Variants in EXOSC9 observed in about 807,000 individuals in gnomAD.
EXOSC9 encodes the protein exosome component 9, also known as exosome complex component RRP45.
Under a neutral mutation model 56.5 loss-of-function variants are expected in EXOSC9, and 38 were observed. The observed-to-expected ratio is 0.67, with a 90% confidence interval of 0.52 to 0.88. The LOEUF (loss-of-function observed/expected upper bound fraction) is 0.88, where lower values mean the gene tolerates loss of function less well. EXOSC9 is among the 40% of genes least tolerant of loss of function. The probability of loss-of-function intolerance (pLI) is 0.00; values close to 1 mark genes in which losing one functional copy is unlikely to be tolerated. For synonymous variants in EXOSC9, 170 were observed against 170.8 expected, an observed-to-expected ratio of 0.99 and a Z score of 0.04; for missense variants, 559 against 530.5, an observed-to-expected ratio of 1.05 and a Z score of -0.53.
intron 10 of EXOSC9, chr4:121,815,781 A>ATT (rs1724473937): frequency 1.0e-6 from 1 of 1,003,902 alleles, no homozygotes; most frequent in Admixed American, 6.0e-5. Context: ...AGTAGCACAA[A>ATT]CAATTCAGTT....
chr4:121,812,121 T>C (rs1322141673), intron 8 of EXOSC9, among the ~76,000 whole-genome samples: 2 of 152,178 alleles, frequency 1.3e-5, no homozygotes, highest in African/African-American at 4.8e-5. Flanking sequence ...ATGAGGGATA[T>C]CTTTCAAAGT....
chr4:121,816,924 G>T lies in EXOSC9; in HGVS notation c.*68G>T. 1 of 1,348,342 alleles carries T rather than the reference G, an allele frequency of 7.4e-7. No homozygotes were observed. Among genetic ancestry groups the T allele is most frequent in the Non-Finnish European group, 9.8e-7 (1 of 1,020,528 alleles). The allele number at this position is 1,348,342 out of a possible 1,614,324, so 83.5% of individuals were successfully genotyped here. ...TATTTATTCCATTCTGAGAACCCTG[G>T]GTATTTTTTATTCACAAATCCATTA... On this transcript the variant is annotated 3_prime_UTR_variant, in exon 12 of 12. Coordinates refer to ENST00000243498, the MANE Select transcript of EXOSC9 (RefSeq NM_005033.3).
At chr4:121,804,885 T>C (rs1726975668) in intron 5 of EXOSC9, 126 bp downstream of exon 5, 2 of 683,662 alleles carry the variant, frequency 2.9e-6, no homozygotes, top group Non-Finnish European at 4.5e-6. Flanking sequence ...AAAATTTGTT[T>C]GTAAGACTGA....
intron 1 of EXOSC9, 107 bp downstream of exon 1, chr4:121,801,597 C>T (rs1726866646): frequency 3.8e-6 from 4 of 1,056,092 alleles, no homozygotes; most frequent in African/African-American, 1.6e-5. Flanking sequence ...GGGGAACGAC[C>T]GGCACGTTCA....
chr4:121,814,171 C>G, intron 10 of EXOSC9, 124 bp downstream of exon 10: 1 of 593,706 alleles, frequency 1.7e-6, no homozygotes, highest in East Asian at 2.8e-5. Context: ...TAATATATAG[C>G]ATATTAGCTA....
Position 121,811,608 on chromosome 4 carries a change from G to A in EXOSC9, c.764G>A (p.Gly255Asp), listed in dbSNP as rs1245088043. The change falls in exon 8 of 12, where the codon GGT becomes GAT. Residue 255 changes from glycine to aspartate, a missense_variant. Physicochemically the swap from Gly to Asp is moderately conservative, Grantham distance 94 (BLOSUM62 -1). Transcript: ENST00000243498. ...GTTCTGAGATGCAGTAAAATCGCTG[G>A]TGTGAAAGTAGCAGAAATTACAGAG... ...DQVLRCSKIAGVKVAEITELI... is the reference protein window; with the variant it reads ...DQVLRCSKIADVKVAEITELI... 6.9e-6 allele frequency: 11 copies of A among 1,590,234 alleles called. No individual in the cohort carries two copies. The highest frequency in any genetic ancestry group is 1.2e-5 in the South Asian group (1 of 85,596).
chr4:121,806,406 G>A (rs1727024083), intron 5 of EXOSC9, among the ~76,000 whole-genome samples: 3 of 151,188 alleles, frequency 2.0e-5, no homozygotes, highest in Admixed American at 6.6e-5. Flanking sequence ...GCCTTCCAAA[G>A]TGCTGGGATT....
intron 3 of EXOSC9, 35 bp downstream of exon 3, chr4:121,802,828 TAGG>T (rs1560622036): frequency 6.2e-7 from 1 of 1,613,406 alleles, no homozygotes; most frequent in Admixed American, 1.7e-5. Context: ...GCTTTAGTCA[TAGG>T]AGAACCTAAC....
chr4:121,802,136 C>T (rs375242843), intron 2 of EXOSC9, among the ~76,000 whole-genome samples: 3 of 152,114 alleles, frequency 2.0e-5, no homozygotes, highest in East Asian at 3.8e-4. Context: ...TCACATAGTT[C>T]TTTTCTGACT....
chr4:121,802,386 C>G (rs187532938), intron 2 of EXOSC9, among the ~76,000 whole-genome samples: 1 of 152,248 alleles, frequency 6.6e-6, no homozygotes, highest in East Asian at 1.9e-4. Context: ...CATCTTGTAT[C>G]AATAAATACT....
intron 5 of EXOSC9, among the ~76,000 whole-genome samples, chr4:121,806,241 C>T (rs112579081): frequency 0.083 from 12,687 of 152,014 alleles, 1,282 homozygotes; most frequent in African/African-American, 0.24. Context: ...CAGCCTCCGC[C>T]TCCCGGATTC....
rs34457380 is a variant in EXOSC9 at position 121,813,268 on chromosome 4, A to G, written c.862A>G (p.Ile288Val). ...TGGAAAGTTTGGTTTTGCAGAGTCT[A>G]TAGCAAATCAAAGGATCACAGCATT... ...EGGKFGFAES[I>V]ANQRITAFKM... is the part of the protein sequence containing the mutation. The change falls in exon 9 of 12, where the codon ATA (isoleucine) becomes GTA (valine). Residue 288 changes from isoleucine to valine, a missense_variant. Transcript: ENST00000243498. 9.9e-5 allele frequency: 159 copies of G among 1,613,910 alleles called. 1 individual carries two copies. The highest frequency in any genetic ancestry group is 1.7e-4 in the Middle Eastern group (1 of 6,060).
intron 2 of EXOSC9, among the ~76,000 whole-genome samples, chr4:121,802,243 T>C (rs746641588): frequency 2.6e-5 from 4 of 152,216 alleles, no homozygotes; most frequent in Non-Finnish European, 2.9e-5. Context: ...GTGTACATCC[T>C]GCTTTCTTTT....
intron 4 of EXOSC9, 66 bp downstream of exon 4, chr4:121,803,083 A>G (rs773716020): frequency 7.9e-6 from 9 of 1,135,606 alleles, no homozygotes; most frequent in Non-Finnish European, 1.2e-5. Context: ...CCCGGTATCT[A>G]TCCTTTTATT....
rs1230774301 is a variant in EXOSC9, at chr4:121,802,944, G to A, written c.311G>A (p.Arg104Gln). The A allele has an allele frequency of 1.9e-6, 3 of 1,613,868 alleles. No homozygotes were observed. Among genetic ancestry groups the A allele is most frequent in the Non-Finnish European group, 2.5e-6 (3 of 1,179,922 alleles). Residue 104 changes from arginine to glutamine, a missense_variant, in exon 4 of 12, where the codon CGA becomes CAA. By Grantham distance (43) the Arg-to-Gln change is conservative. Transcript: ENST00000243498. ...TCAGATCTCTTGGTGAAGTTGAATC[G>A]ACTCATGGAAAGATGTCTAAGAAAT... ...RQSDLLVKLN[R>Q]LMERCLRNSK...
Position 121,811,600 on chromosome 4 carries a change from A to C in EXOSC9, c.756A>C (p.Lys252Asn). The stretch of plus-strand genomic sequence containing the variant: ...ATAAATAGGTTCTGAGATGCAGTAA[A>C]ATCGCTGGTGTGAAAGTAGCAGAAA... Reference protein sequence around the residue: ...LLKDQVLRCSKIAGVKVAEIT... With the variant: ...LLKDQVLRCSNIAGVKVAEIT... The change falls in exon 8 of 12, where the codon AAA becomes AAC. Residue 252 changes from lysine to asparagine, a missense_variant. Lys to Asn is a moderately conservative substitution (Grantham distance 94). Transcript: ENST00000243498. 1 of 1,585,686 alleles carries C rather than the reference A, an allele frequency of 6.3e-7. No individual in the cohort carries two copies. Among genetic ancestry groups the C allele is most frequent in the South Asian group, 1.2e-5 (1 of 84,818 alleles).
rs531276974 is a variant in EXOSC9 at position 121,815,058 on chromosome 4, C to G, written c.1156+1011C>G. On this transcript the variant is annotated intron_variant, in intron 10 of 11. Coordinates refer to ENST00000243498, the MANE Select transcript of EXOSC9 (RefSeq NM_005033.3). ...CTTATGAACATTACTGGAGCCTGGGCTTTTTGTTTTTTTACTTAAGTAAAT... is the reference window on the plus strand; with the variant it reads ...CTTATGAACATTACTGGAGCCTGGGGTTTTTGTTTTTTTACTTAAGTAAAT... The G allele has an allele frequency of 2.0e-5, 3 of 152,170 alleles. No homozygotes were observed. In the South Asian group the frequency reaches 6.2e-4, roughly 32 times the overall value. The allele number at this position is 152,170 out of a possible 1,614,324, so 9.4% of individuals were successfully genotyped here.
chr4:121,815,489 A>C, intron 10 of EXOSC9: 5 of 984,988 alleles, frequency 5.1e-6, no homozygotes, highest in Non-Finnish European at 6.0e-6. Context: ...AAATACAAAT[A>C]ATTGATATGG....
At chr4:121,814,583 G>A (rs1045483613) in intron 10 of EXOSC9, 1 of 151,826 alleles carries the variant, frequency 6.6e-6, no homozygotes, top group Non-Finnish European at 1.5e-5. Context: ...TTTCTATGAT[G>A]ATAGAAACAT....
Sources: allele counts gnomAD v4.1 joint callset (sites outside exome capture counted in the v4.1 genomes callset), GRCh38; gene constraint gnomAD v4.1.1; transcripts MANE v1.5; gene names NCBI Gene and HGNC (gene_info 2026-07-23, HGNC 2026-07-21).